UST: variants seen among roughly 807,000 people sequenced by gnomAD.
UST encodes chondroitin sulfate 2-O-sulfotransferase.
A neutral mutation model predicts 45.6 loss-of-function variants in UST; 21 were observed. That is an observed-to-expected ratio of 0.46 (90% CI 0.33 to 0.66). The LOEUF (loss-of-function observed/expected upper bound fraction) is 0.66, where lower values mean the gene tolerates loss of function less well. Among genes scored for constraint, UST ranks in the 30% least tolerant of loss-of-function variants. The pLI, the probability that UST is intolerant of heterozygous loss-of-function variation, is 0.02. For missense variants in UST, 463 were observed against 512.4 expected, an observed-to-expected ratio of 0.90 and a Z score of 0.93; for synonymous variants, 215 against 200.6, an observed-to-expected ratio of 1.07 and a Z score of -0.61.
intron 1 of UST, among the ~76,000 whole-genome samples, chr6:148,799,983 A>C (rs1327967350): frequency 6.6e-6 from 1 of 152,202 alleles, no homozygotes; most frequent in Non-Finnish European, 1.5e-5. Flanking sequence ...TTTGTCAGGT[A>C]CCATTATAAA....
chr6:148,803,896 C>T (rs1213459371), intron 1 of UST, among the ~76,000 whole-genome samples: 2 of 152,194 alleles, frequency 1.3e-5, no homozygotes, highest in African/African-American at 4.8e-5. Flanking sequence ...ACTTGTCCTT[C>T]AGATCTCAGG....
rs1779748762 is a variant in UST, at chr6:148,923,199, G to A, written c.292-18080G>A. Among the ~76,000 whole-genome samples, 9 of 152,316 alleles carry A rather than the reference G, an allele frequency of 5.9e-5. No homozygotes were observed. In the South Asian group the frequency reaches 1.9e-3, roughly 32 times the overall value. On this transcript the variant is annotated intron_variant, in intron 2 of 7. Transcript: ENST00000367463. ...TTAGTTATCTGCTTATCATTTCATG[G>A]GCATTTCAGTCGTCTCCACTTTTGG...
At chr6:148,955,175 A>G (rs1562311567) in intron 4 of UST, among the ~76,000 whole-genome samples, 1 of 152,210 alleles carries the variant, frequency 6.6e-6, no homozygotes, top group Non-Finnish European at 1.5e-5. Flanking sequence ...CCAGGGCAGC[A>G]GGCAACATCT....
chr6:148,975,202 A>G (rs1780992920), intron 5 of UST, among the ~76,000 whole-genome samples: 1 of 152,202 alleles, frequency 6.6e-6, no homozygotes, highest in African/African-American at 2.4e-5. Context: ...ACTATTACTC[A>G]GGTATTTCTT....
At chr6:148,773,461 CAA>C (rs763596050) in intron 1 of UST, among the ~76,000 whole-genome samples, 8 of 111,854 alleles carry the variant, frequency 7.2e-5, no homozygotes, top group Admixed American at 9.2e-5. Context: ...AACTCTGTCT[CAA>C]AAAAAAAAAA....
chr6:148,785,542 C>T (rs544801390), intron 1 of UST, among the ~76,000 whole-genome samples: 19 of 152,246 alleles, frequency 1.2e-4, no homozygotes, highest in South Asian at 6.2e-4. Context: ...AAATGACCAG[C>T]GAACTACCAT....
chr6:148,993,682 C>A (rs896255262), intron 5 of UST, among the ~76,000 whole-genome samples: 2 of 152,300 alleles, frequency 1.3e-5, no homozygotes, highest in Middle Eastern at 3.4e-3. Flanking sequence ...TTAGCAGCGA[C>A]TCCTTGGTGC....
chr6:148,888,493 C>A (rs1463896078), intron 2 of UST, among the ~76,000 whole-genome samples: 1 of 152,206 alleles, frequency 6.6e-6, no homozygotes, highest in Admixed American at 6.6e-5. Context: ...CACTTTCTAG[C>A]TGTGTGACAG....
Position 148,941,266 on chromosome 6 carries a change from G to GT in UST, c.292-6dup. ...CAGACGTTTCATGTTTGTTCTCTTG[G>GT]TTTTTTTCCCAGGTACTACCTTTCC... On this transcript the variant is annotated splice_polypyrimidine_tract_variant and intron_variant, in intron 2 of 7. Transcript: ENST00000367463. 6 of 1,612,682 alleles carry GT rather than the reference G, an allele frequency of 3.7e-6. No individual in the cohort carries two copies. Among genetic ancestry groups the GT allele is most frequent in the Non-Finnish European group, 5.1e-6 (6 of 1,179,610 alleles).
At chr6:148,904,588 A>G (rs969761850) in intron 2 of UST, among the ~76,000 whole-genome samples, 2 of 152,044 alleles carry the variant, frequency 1.3e-5, no homozygotes, top group African/African-American at 4.8e-5. Flanking sequence ...CAGTGACACA[A>G]TCTTGGTTCA....
At chr6:149,035,369 A>G (rs1776226659) in intron 7 of UST, among the ~76,000 whole-genome samples, 1 of 151,944 alleles carries the variant, frequency 6.6e-6, no homozygotes. Context: ...ATTCCTTTGT[A>G]CTGTTTTGGT....
intron 1 of UST, among the ~76,000 whole-genome samples, chr6:148,885,276 G>A (rs1778892348): frequency 6.6e-6 from 1 of 152,128 alleles, no homozygotes; most frequent in African/African-American, 2.4e-5. Context: ...CGCTTCCCCT[G>A]GGGAAGGCAT....
chr6:149,073,801 A>T, intron 7 of UST, 32 bp from the exon 8 acceptor site: 1 of 1,601,136 alleles, frequency 6.2e-7, no homozygotes, highest in Non-Finnish European at 8.5e-7. Context: ...ACTGCAAATG[A>T]TGGCTCATGT....
intron 5 of UST, among the ~76,000 whole-genome samples, chr6:148,999,391 A>G (rs1186191034): frequency 6.6e-6 from 1 of 152,258 alleles, no homozygotes; most frequent in Non-Finnish European, 1.5e-5. Context: ...ACCGTAATAC[A>G]GAGAAGCAAA....
At chr6:149,061,817 C>A (rs1776659252) in intron 7 of UST, among the ~76,000 whole-genome samples, 1 of 152,226 alleles carries the variant, frequency 6.6e-6, no homozygotes, top group South Asian at 2.1e-4. Context: ...GTATCCACAG[C>A]AAAGTCCTTG....
chr6:149,022,605 AAAAGAAAGAAAG>A (rs1014891131), intron 7 of UST, among the ~76,000 whole-genome samples: 1 of 152,136 alleles, frequency 6.6e-6, no homozygotes, highest in Non-Finnish European at 1.5e-5. Flanking sequence ...CATCTCAAAA[AAAAGAAAGAAAG>A]AAAGAAGGAA....
At chr6:148,903,985 A>C (rs1779311250) in intron 2 of UST, among the ~76,000 whole-genome samples, 1 of 152,232 alleles carries the variant, frequency 6.6e-6, no homozygotes, top group African/African-American at 2.4e-5. Context: ...GCTGGAGAAC[A>C]TTCAGAAACT....
intron 1 of UST, among the ~76,000 whole-genome samples, chr6:148,857,405 C>T (rs1778225306): frequency 6.6e-6 from 1 of 152,144 alleles, no homozygotes; most frequent in Non-Finnish European, 1.5e-5. Context: ...TTACGCCCAC[C>T]GTAAGTTCTG....
intron 4 of UST, among the ~76,000 whole-genome samples, chr6:148,955,258 C>G (rs1780464546): frequency 6.6e-6 from 1 of 152,246 alleles, no homozygotes; most frequent in South Asian, 2.1e-4. Flanking sequence ...AGCTGCTGCT[C>G]TGGTCCAGGG....
Sources: gnomAD v4.1 joint callset for allele counts (sites outside exome capture counted in the v4.1 genomes callset) on GRCh38, gnomAD v4.1.1 for gene constraint, MANE v1.5 for transcripts, NCBI Gene and HGNC (gene_info 2026-07-23, HGNC 2026-07-21) for gene names.